COPG2: variants seen among roughly 807,000 people sequenced by gnomAD.
COPG2 encodes coat protein complex I subunit gamma 2.
Under a neutral mutation model 46.3 loss-of-function variants are expected in COPG2, and 37 were observed. The observed-to-expected ratio is 0.80, with a 90% CI of 0.61 to 1.05. COPG2 has a LOEUF of 1.05. COPG2 is among the 50% of genes least tolerant of loss of function. COPG2 has a pLI of 0.00. For missense variants in COPG2, 427 were observed against 387.8 expected, an observed-to-expected ratio of 1.10 and a Z score of -0.85; for synonymous variants, 159 against 129.7, an observed-to-expected ratio of 1.23 and a Z score of -1.53.
At chr7:130,608,336 A>G (rs371712093) in intron 9 of COPG2, 5 of 307,870 alleles carry the variant, frequency 1.6e-5, no homozygotes, top group African/African-American at 1.1e-4. Context: ...TAAAAATTGT[A>G]TATATTTATA....
intron 7 of COPG2, 34 bp downstream of exon 7, chr7:130,613,510 T>C: frequency 3.0e-6 from 4 of 1,320,726 alleles, no homozygotes; most frequent in South Asian, 1.3e-5. Flanking sequence ...AACTGTACCA[T>C]GCTTAAGAAC....
At chr7:130,623,555 CTTACA>C (rs1305224557) in intron 5 of COPG2, among the ~76,000 whole-genome samples, 13 of 152,290 alleles carry the variant, frequency 8.5e-5, no homozygotes, top group African/African-American at 2.9e-4. Context: ...CCCAGCTATT[CTTACA>C]TTATATTTTC....
intron 3 of COPG2, among the ~76,000 whole-genome samples, chr7:130,663,355 A>G (rs1331537555): frequency 1.3e-5 from 2 of 152,228 alleles, no homozygotes; most frequent in Admixed American, 1.3e-4. Flanking sequence ...GAGGGAGAAA[A>G]TTACAGCACT....
chr7:130,628,121 CTGTTTT>C (rs1795150088), intron 5 of COPG2, among the ~76,000 whole-genome samples: 1 of 151,990 alleles, frequency 6.6e-6, no homozygotes, highest in African/African-American at 2.4e-5. Flanking sequence ...AGTTTGTTTT[CTGTTTT>C]TGTTTTTGTT....
intron 20 of COPG2, among the ~76,000 whole-genome samples, chr7:130,539,832 G>T (rs915123644): frequency 0.01 from 1,545 of 152,278 alleles, 28 homozygotes; most frequent in African/African-American, 0.034. Flanking sequence ...TTGGAGCGAG[G>T]TGAACGGGGA....
chr7:130,551,916 G>GT (rs1450747507), intron 15 of COPG2, among the ~76,000 whole-genome samples: 3 of 152,156 alleles, frequency 2.0e-5, no homozygotes, highest in South Asian at 2.1e-4. Flanking sequence ...TTACCTAACA[G>GT]TTTTTTTAAG....
At chr7:130,551,865 A>C (rs1386431483) in intron 15 of COPG2, among the ~76,000 whole-genome samples, 1 of 152,254 alleles carries the variant, frequency 6.6e-6, no homozygotes, top group East Asian at 1.9e-4. Context: ...TAGAGTCATG[A>C]AGACAATGAA....
At chr7:130,599,482 A>G (rs1361339061) in intron 9 of COPG2, among the ~76,000 whole-genome samples, 2 of 152,180 alleles carry the variant, frequency 1.3e-5, no homozygotes, top group Non-Finnish European at 2.9e-5. Flanking sequence ...ACCTTTTCCT[A>G]GAGATTTTCA....
chr7:130,654,540 A>C (rs1795809869), intron 4 of COPG2, among the ~76,000 whole-genome samples: 3 of 152,204 alleles, frequency 2.0e-5, no homozygotes, highest in Admixed American at 6.5e-5. Flanking sequence ...GAATATATTA[A>C]TGTAAATGTG....
chr7:130,645,074 A>C (rs1474507878), intron 5 of COPG2, among the ~76,000 whole-genome samples: 31 of 151,816 alleles, frequency 2.0e-4, no homozygotes, highest in South Asian at 1.2e-3. Context: ...AAAACAAAAA[A>C]AAAAAAAAAA....
chr7:130,632,322 CCA>C (rs1256978982), intron 5 of COPG2, among the ~76,000 whole-genome samples: 1 of 152,104 alleles, frequency 6.6e-6, no homozygotes, highest in Non-Finnish European at 1.5e-5. Flanking sequence ...GATGAGAAAC[CCA>C]CAGTGATGTG....
rs1489152713 is a variant in COPG2 at position 130,642,868 on chromosome 7, CA to C, written c.323+10000del. 2.6e-5 allele frequency among the ~76,000 whole-genome samples: 4 copies of C among 151,960 alleles called. No homozygotes were observed. The South Asian group carries it at 8.3e-4, about 32-fold the overall frequency. On this transcript the variant is annotated intron_variant, in intron 5 of 23. Coordinates refer to ENST00000425248, the MANE Select transcript of COPG2 (RefSeq NM_012133.6). ...TGAAACCACATCTCTACTAAAAATA[CA>C]AAAATTAGCTGGGCGTGGTGGCACA...
intron 6 of COPG2, 125 bp from the exon 7 acceptor site, chr7:130,613,761 A>G (rs1554452510): frequency 4.5e-6 from 3 of 667,946 alleles, no homozygotes; most frequent in East Asian, 2.7e-5. Flanking sequence ...TTCAGAATGC[A>G]CTAAAAGGAT....
chr7:130,606,324 GAGAA>G (rs1316340644), intron 9 of COPG2, among the ~76,000 whole-genome samples: 8 of 151,604 alleles, frequency 5.3e-5, no homozygotes, highest in Admixed American at 3.9e-4. Context: ...AGAAAAGAAA[GAGAA>G]AGAAGGAAGG....
rs1048820898 is a variant in COPG2 at position 130,668,712 on chromosome 7, G to A, written c.-44C>T. 1 of 1,511,538 alleles carries A rather than the reference G, an allele frequency of 6.6e-7. No individual in the cohort carries two copies. The highest frequency in any genetic ancestry group is 8.9e-7 in the Non-Finnish European group (1 of 1,129,810). The allele number at this position is 1,511,538 out of a possible 1,614,324, so 93.6% of individuals were successfully genotyped here. ...GCCCAGACCCACCGCAACCGTCCCA[G>A]GCGCCGCAGCCGGCGAGCGGAAGAG... On this transcript the variant is annotated 5_prime_UTR_variant, in exon 1 of 24. Coordinates refer to ENST00000425248, the MANE Select transcript of COPG2 (RefSeq NM_012133.6).
chr7:130,512,504 G>A (rs1799612136), intron 20 of COPG2, among the ~76,000 whole-genome samples: 1 of 152,006 alleles, frequency 6.6e-6, no homozygotes, highest in African/African-American at 2.4e-5. Flanking sequence ...GTAAGGCCGG[G>A]TGCAGTGGCT....
intron 9 of COPG2, among the ~76,000 whole-genome samples, chr7:130,607,270 TAAATA>T (rs1794751721): frequency 6.6e-6 from 1 of 151,558 alleles, no homozygotes. Flanking sequence ...AATAAATAAA[TAAATA>T]AATAAATAAA....
intron 20 of COPG2, chr7:130,511,861 G>T: frequency 1.9e-6 from 1 of 518,970 alleles, no homozygotes. Context: ...GCTTTTGAGG[G>T]AATGGCTAAT....
intron 9 of COPG2, among the ~76,000 whole-genome samples, chr7:130,582,727 G>A (rs1266474508): frequency 4.1e-4 from 62 of 151,184 alleles, no homozygotes; most frequent in African/African-American, 1.1e-3. Flanking sequence ...CATTTATGCA[G>A]CCAAAAAACA....
Sources: allele counts gnomAD v4.1 joint callset (sites outside exome capture counted in the v4.1 genomes callset), GRCh38; gene constraint gnomAD v4.1.1; transcripts MANE v1.5; gene names NCBI Gene and HGNC (gene_info 2026-07-23, HGNC 2026-07-21).